RHOJ: variants seen among roughly 807,000 people sequenced by gnomAD.
RHOJ encodes rho-related GTP-binding protein RhoJ.
In RHOJ, 11 loss-of-function variants were observed where a neutral mutation model predicts 23.4. The ratio of observed to expected loss-of-function variants is 0.47; its 90% confidence interval spans 0.30 to 0.78. The LOEUF (loss-of-function observed/expected upper bound fraction) is 0.78, where lower values mean the gene tolerates loss of function less well. RHOJ is among the 30% of genes least tolerant of loss of function. RHOJ has a pLI of 0.08. For missense variants in RHOJ, 254 were observed against 273.4 expected, an observed-to-expected ratio of 0.93 and a Z score of 0.50; for synonymous variants, 102 against 102.7, an observed-to-expected ratio of 0.99 and a Z score of 0.04.
At chr14:63,258,131 G>A (rs1895209860) in intron 1 of RHOJ, among the ~76,000 whole-genome samples, 1 of 147,782 alleles carries the variant, frequency 6.8e-6, no homozygotes, top group South Asian at 2.1e-4. Context: ...AGGAGTCTGA[G>A]ACAGGAGAAT....
chr14:63,271,918 A>G (rs1301988403), intron 2 of RHOJ, among the ~76,000 whole-genome samples: 7 of 152,188 alleles, frequency 4.6e-5, no homozygotes, highest in Non-Finnish European at 1.0e-4. Context: ...TTTTCTGGCA[A>G]TGCTGCTGCT....
intron 1 of RHOJ, among the ~76,000 whole-genome samples, chr14:63,207,168 AC>A (rs1385810208): frequency 6.6e-6 from 1 of 151,780 alleles, no homozygotes; most frequent in Non-Finnish European, 1.5e-5. Context: ...AGTAGCTGGG[AC>A]TACAGGCGCA....
At chr14:63,285,969 C>T (rs764775129) in intron 4 of RHOJ, among the ~76,000 whole-genome samples, 17 of 152,298 alleles carry the variant, frequency 1.1e-4, no homozygotes, top group South Asian at 4.1e-4. Flanking sequence ...TTGCCCTCTC[C>T]GGCCATCTTC....
chr14:63,276,872 G>C (rs1194618609), intron 2 of RHOJ, among the ~76,000 whole-genome samples: 32 of 152,294 alleles, frequency 2.1e-4, no homozygotes, highest in Admixed American at 1.0e-3. Flanking sequence ...ACCCAATCTA[G>C]TTGTGACATT....
At chr14:63,289,943 C>A (rs944949315) in intron 4 of RHOJ, among the ~76,000 whole-genome samples, 3 of 151,728 alleles carry the variant, frequency 2.0e-5, no homozygotes, top group Admixed American at 6.6e-5. Context: ...AAAAAATATG[C>A]CTTTTAAAGT....
At chr14:63,226,258 A>G (rs1566609504) in intron 1 of RHOJ, among the ~76,000 whole-genome samples, 1 of 152,094 alleles carries the variant, frequency 6.6e-6, no homozygotes, top group Non-Finnish European at 1.5e-5. Context: ...GAAAAACATA[A>G]TGAAACAATT....
At chr14:63,237,072 C>G (rs1219122787) in intron 1 of RHOJ, among the ~76,000 whole-genome samples, 2 of 151,988 alleles carry the variant, frequency 1.3e-5, no homozygotes, top group South Asian at 4.2e-4. Flanking sequence ...ATTTTTGATC[C>G]TTGGTTGGTT....
chr14:63,243,633 C>G (rs748614772), intron 1 of RHOJ, among the ~76,000 whole-genome samples: 1 of 152,158 alleles, frequency 6.6e-6, no homozygotes, highest in Non-Finnish European at 1.5e-5. Flanking sequence ...AGCCACCACG[C>G]CCGGCCAAAA....
intron 2 of RHOJ, among the ~76,000 whole-genome samples, chr14:63,279,438 CTGTT>C (rs973221363): frequency 1.3e-5 from 2 of 152,212 alleles, no homozygotes; most frequent in Admixed American, 6.5e-5. Flanking sequence ...AAGTTACTGT[CTGTT>C]TATGTGTTAC....
At chr14:63,221,965 C>G (rs1171818271) in intron 1 of RHOJ, among the ~76,000 whole-genome samples, 2 of 101,586 alleles carry the variant, frequency 2.0e-5, no homozygotes, top group East Asian at 3.6e-4. Context: ...TAATGCTATC[C>G]CTCCCCCCTC....
chr14:63,253,295 G>A (rs1895104680), intron 1 of RHOJ, among the ~76,000 whole-genome samples: 1 of 152,102 alleles, frequency 6.6e-6, no homozygotes, highest in South Asian at 2.1e-4. Flanking sequence ...TAGAGGCAGG[G>A]TCTTACTCTG....
At chr14:63,246,473 A>C (rs1894978042) in intron 1 of RHOJ, among the ~76,000 whole-genome samples, 1 of 152,140 alleles carries the variant, frequency 6.6e-6, no homozygotes, top group Non-Finnish European at 1.5e-5. Context: ...CTCAGCTCCA[A>C]CTCTTACCAC....
chr14:63,266,522 G>C (rs1895369947), intron 1 of RHOJ, among the ~76,000 whole-genome samples: 1 of 152,226 alleles, frequency 6.6e-6, no homozygotes, highest in Admixed American at 6.5e-5. Flanking sequence ...GCTTTGGGCA[G>C]TATGGCCATT....
chr14:63,280,975 A>G lies in RHOJ; in HGVS notation c.242A>G (p.Asp81Gly). The change falls in exon 3 of 5, where the codon GAC becomes GGC. Residue 81 changes from aspartate (D) to glycine (G), a missense_variant. Asp to Gly is a moderately conservative substitution (Grantham distance 94). Coordinates refer to ENST00000316754, the MANE Select transcript of RHOJ (RefSeq NM_020663.5). ...LGLYDTAGQE[D>G]YNQLRPLSYP... ...CCTTGTCTGCTCTTCCCACAGGAGG[A>G]CTACAACCAGCTGAGGCCACTCTCC... 1 of 1,612,232 alleles carries G rather than the reference A, an allele frequency of 6.2e-7. No individual in the cohort carries two copies. Among genetic ancestry groups the G allele is most frequent in the Non-Finnish European group, 8.5e-7 (1 of 1,179,042 alleles).
chr14:63,251,663 G>A lies in RHOJ; in HGVS notation c.179-17447G>A, dbSNP rs950650064. Among the ~76,000 whole-genome samples the A allele has an allele frequency of 1.7e-4, 26 of 152,220 alleles. No individual in the cohort carries two copies. The South Asian group carries it at 2.7e-3, about 16-fold the overall frequency. On this transcript the variant is annotated intron_variant, in intron 1 of 4. Coordinates refer to ENST00000316754, the MANE Select transcript of RHOJ (RefSeq NM_020663.5). Reference sequence around the variant, plus strand: ...AGTGTGTTGACCCTAAGTGATTTCCGTCACATGGAAATATTACGTCAAGGG... The same window carrying A: ...AGTGTGTTGACCCTAAGTGATTTCCATCACATGGAAATATTACGTCAAGGG...
intron 1 of RHOJ, among the ~76,000 whole-genome samples, chr14:63,250,949 C>T (rs887117594): frequency 1.3e-5 from 2 of 152,084 alleles, no homozygotes; most frequent in Admixed American, 6.6e-5. Context: ...GCAGAAGAAT[C>T]GCTTGAACCT....
chr14:63,286,157 G>C (rs1344048359), intron 4 of RHOJ, among the ~76,000 whole-genome samples: 1 of 152,194 alleles, frequency 6.6e-6, no homozygotes, highest in Admixed American at 6.5e-5. Context: ...CTGACTGGAA[G>C]AGTCACTGCC....
chr14:63,264,355 C>A (rs1183512446), intron 1 of RHOJ, among the ~76,000 whole-genome samples: 1 of 151,770 alleles, frequency 6.6e-6, no homozygotes, highest in African/African-American at 2.4e-5. Context: ...TGATTTTATT[C>A]TTTTTATGGC....
Position 63,274,941 on chromosome 14 carries a change from G to A in RHOJ, c.237+5773G>A, listed in dbSNP as rs1352794868. ...TAAATGTCATTAAACCCAAGACTTGGAAGCAGAATTCTATTTCCAAATTAA... is the reference window on the plus strand; with the variant it reads ...TAAATGTCATTAAACCCAAGACTTGAAAGCAGAATTCTATTTCCAAATTAA... On this transcript the variant is annotated intron_variant, in intron 2 of 4. Transcript: ENST00000316754. Among the ~76,000 whole-genome samples, 9 of 152,300 alleles carry A rather than the reference G, an allele frequency of 5.9e-5. No individual in the cohort carries two copies. The South Asian group carries it at 1.7e-3, about 28-fold the overall frequency.
Sources: gnomAD v4.1 joint callset for allele counts (sites outside exome capture counted in the v4.1 genomes callset) on GRCh38, gnomAD v4.1.1 for gene constraint, MANE v1.5 for transcripts, NCBI Gene and HGNC (gene_info 2026-07-23, HGNC 2026-07-21) for gene names.